The following FAT3 variants were observed in gnomAD, a reference collection of about 807,000 sequenced individuals.
FAT3 encodes the protein FAT atypical cadherin 3, also known as protocadherin Fat 3.
FAT3 carries 95 observed loss-of-function variants against 310.2 expected under a neutral mutation model. The ratio of observed to expected loss-of-function variants is 0.31; its 90% confidence interval spans 0.26 to 0.36. The LOEUF is 0.36. Ranked by LOEUF, FAT3 falls within the 10% of genes least tolerant of loss-of-function variation. FAT3 has a pLI of 1.00. For synonymous variants in FAT3, 2,314 were observed against 2,192.9 expected, an observed-to-expected ratio of 1.06 and a Z score of -1.54; for missense variants, 5,408 against 5,715.6, an observed-to-expected ratio of 0.95 and a Z score of 1.74.
At chr11:92,778,328 C>T (rs766881747) in intron 7 of FAT3, among the ~76,000 whole-genome samples, 6 of 152,206 alleles carry the variant, frequency 3.9e-5, no homozygotes, top group Non-Finnish European at 8.8e-5. Context: ...ATTCTCTACA[C>T]TACTAATGTT....
At chr11:92,587,838 A>C (rs564815213) in intron 3 of FAT3, among the ~76,000 whole-genome samples, 1 of 152,130 alleles carries the variant, frequency 6.6e-6, no homozygotes, top group South Asian at 2.1e-4. Context: ...ACAGGACAAA[A>C]ATTGGAGGCA....
At chr11:92,764,761 C>T (rs1341872355) in intron 5 of FAT3, 118 bp from the exon 6 acceptor site, 1 of 894,990 alleles carries the variant, frequency 1.1e-6, no homozygotes, top group Non-Finnish European at 1.7e-6. Flanking sequence ...CTCCTTTCTT[C>T]CCCTTGCTGA....
intron 2 of FAT3, among the ~76,000 whole-genome samples, chr11:92,486,181 T>C: frequency 6.8e-6 from 1 of 146,006 alleles, no homozygotes; most frequent in Admixed American, 6.9e-5. Flanking sequence ...TTTGTTTTGC[T>C]TTAATTTGCT....
chr11:92,280,995 A>T (rs1408609149), intron 1 of FAT3, among the ~76,000 whole-genome samples: 1 of 152,192 alleles, frequency 6.6e-6, no homozygotes, highest in Admixed American at 6.5e-5. Flanking sequence ...ATATATATTT[A>T]TTGCAAATAT....
intron 1 of FAT3, among the ~76,000 whole-genome samples, chr11:92,256,170 C>T (rs2125296): frequency 2.6e-5 from 4 of 151,838 alleles, no homozygotes; most frequent in Non-Finnish European, 5.9e-5. Context: ...TATTGTTTCT[C>T]TTTGATTTAG....
chr11:92,491,050 A>G (rs1487744376), intron 2 of FAT3, among the ~76,000 whole-genome samples: 3 of 152,070 alleles, frequency 2.0e-5, no homozygotes, highest in Non-Finnish European at 4.4e-5. Context: ...GTTTGCCTAG[A>G]GGACCATTAT....
At chr11:92,578,938 A>C (rs1938636095) in intron 3 of FAT3, among the ~76,000 whole-genome samples, 1 of 152,146 alleles carries the variant, frequency 6.6e-6, no homozygotes, top group South Asian at 2.1e-4. Context: ...GAAAGGAATG[A>C]AAAACTGATG....
intron 19 of FAT3, among the ~76,000 whole-genome samples, chr11:92,845,387 A>T (rs1405130472): frequency 1.4e-4 from 22 of 152,150 alleles, no homozygotes; most frequent in Admixed American, 1.4e-3. Flanking sequence ...AGAGGCAGGG[A>T]AACAAGTTAG....
Position 92,895,615 on chromosome 11 carries a change from A to C in FAT3, c.*4502A>C, listed in dbSNP as rs1950012715. The C allele has an allele frequency of 6.6e-6, 1 of 152,196 alleles. No individual in the cohort carries two copies. Among genetic ancestry groups the C allele is most frequent in the Non-Finnish European group, 1.5e-5 (1 of 68,030 alleles). 9.4% of individuals were successfully genotyped at this position (152,196 alleles called of 1,614,324 possible). On this transcript the variant is annotated 3_prime_UTR_variant, in exon 28 of 28. Transcript: ENST00000525166. ...ACAAATAACTGAATTGCTACTATTT[A>C]ACAATCTTATGAGCCCACACTACTG...
rs537797870 is a variant in FAT3, at chr11:92,497,099, A to T, written c.3293-27535A>T. On this transcript the variant is annotated intron_variant, in intron 2 of 27. Transcript: ENST00000525166. ...TTGTCTGGAGTTTGTCTGGAATTCTATAGCCTAGATTAGGTTTCTCTAGTA... is the reference window on the plus strand; with the variant it reads ...TTGTCTGGAGTTTGTCTGGAATTCTTTAGCCTAGATTAGGTTTCTCTAGTA... Among the ~76,000 whole-genome samples the T allele has an allele frequency of 2.6e-5, 4 of 152,134 alleles. No homozygotes were observed. In the South Asian group the frequency reaches 8.3e-4, roughly 32 times the overall value.
chr11:92,486,891 G>A (rs1197890155), intron 2 of FAT3, among the ~76,000 whole-genome samples: 1 of 152,106 alleles, frequency 6.6e-6, no homozygotes, highest in Non-Finnish European at 1.5e-5. Flanking sequence ...ACTCTCATCT[G>A]GTTCCTACTA....
At chr11:92,229,686 A>G (rs1864087989) in intron 1 of FAT3, among the ~76,000 whole-genome samples, 1 of 151,344 alleles carries the variant, frequency 6.6e-6, no homozygotes, top group Non-Finnish European at 1.5e-5. Context: ...AAAATAGGCT[A>G]TCAGTTACAT....
At chr11:92,846,114 T>A (rs1259912761) in intron 19 of FAT3, among the ~76,000 whole-genome samples, 1 of 152,192 alleles carries the variant, frequency 6.6e-6, no homozygotes, top group African/African-American at 2.4e-5. Context: ...TATCTAGATT[T>A]CCTTTGTTGA....
chr11:92,664,732 A>G (rs1942899048), intron 3 of FAT3, among the ~76,000 whole-genome samples: 1 of 152,234 alleles, frequency 6.6e-6, no homozygotes. Flanking sequence ...AATTTTAAAC[A>G]TTAAATTAAC....
At chr11:92,679,767 G>A (rs891845599) in intron 3 of FAT3, among the ~76,000 whole-genome samples, 12 of 149,702 alleles carry the variant, frequency 8.0e-5, no homozygotes, top group East Asian at 2.0e-4. Flanking sequence ...GCATGAACCC[G>A]GGAGGCGGAG....
intron 3 of FAT3, among the ~76,000 whole-genome samples, chr11:92,528,592 T>G (rs1345980964): frequency 6.6e-6 from 1 of 152,204 alleles, no homozygotes; most frequent in Non-Finnish European, 1.5e-5. Context: ...TTCATCGTGT[T>G]AGCCAGGATG....
chr11:92,676,593 T>G (rs1219511973), intron 3 of FAT3, among the ~76,000 whole-genome samples: 1 of 152,164 alleles, frequency 6.6e-6, no homozygotes, highest in African/African-American at 2.4e-5. Context: ...TCAATACATT[T>G]TTGTTGAGTG....
At position 92,799,320 on chromosome 11, in the gene FAT3, A is replaced by G. The variant is rs781650193; in HGVS notation, c.6307A>G (p.Ile2103Val). The change falls in exon 10 of 28, where the codon ATT becomes GTT. Residue 2103 changes from isoleucine to valine, a missense_variant. Ile to Val is a conservative substitution (Grantham distance 29, BLOSUM62 3). Transcript: ENST00000525166. Reference protein sequence around the residue: ...VQVDAEPGTLIYQVTAIDKDK... With the variant: ...VQVDAEPGTLVYQVTAIDKDK... ...AGTGGATGCGGAACCCGGGACTCTG[A>G]TTTATCAGGTGACAGCCATTGACAA... The G allele has an allele frequency of 9.9e-6, 16 of 1,613,792 alleles. No homozygotes were observed. Among genetic ancestry groups the G allele is most frequent in the Non-Finnish European group, 1.4e-5 (16 of 1,179,876 alleles).
At chr11:92,540,886 G>T (rs557344785) in intron 3 of FAT3, among the ~76,000 whole-genome samples, 10 of 151,990 alleles carry the variant, frequency 6.6e-5, no homozygotes, top group Non-Finnish European at 1.5e-4. Context: ...TGGATTCTCT[G>T]TGCAATGATT....
Sources: gnomAD v4.1 joint callset for allele counts (sites outside exome capture counted in the v4.1 genomes callset) on GRCh38, gnomAD v4.1.1 for gene constraint, MANE v1.5 for transcripts, NCBI Gene and HGNC (gene_info 2026-07-23, HGNC 2026-07-21) for gene names.